Variants in PITPNC1 observed in about 807,000 individuals in gnomAD.
The protein encoded by PITPNC1 is cytoplasmic phosphatidylinositol transfer protein 1.
In PITPNC1, 18 loss-of-function variants were observed where a neutral mutation model predicts 44.7. The observed-to-expected ratio is 0.40, with a 90% CI of 0.28 to 0.60. The LOEUF is 0.60. PITPNC1 is among the 20% of genes least tolerant of loss of function. PITPNC1 has a pLI of 0.39. For missense variants in PITPNC1, 290 were observed against 418.4 expected, an observed-to-expected ratio of 0.69 and a Z score of 2.68; for synonymous variants, 141 against 149.6, an observed-to-expected ratio of 0.94 and a Z score of 0.42.
chr17:67,682,692 T>G (rs2144443490), intron 8 of PITPNC1, among the ~76,000 whole-genome samples: 1 of 152,318 alleles, frequency 6.6e-6, no homozygotes, highest in South Asian at 2.1e-4. Context: ...AGAAATACCG[T>G]ACCAGTTGCA....
intron 4 of PITPNC1, among the ~76,000 whole-genome samples, chr17:67,571,019 G>A: frequency 6.6e-6 from 1 of 152,168 alleles, no homozygotes; most frequent in Non-Finnish European, 1.5e-5. Flanking sequence ...CAGAGTCGGT[G>A]ATGCTTTACT....
intron 4 of PITPNC1, among the ~76,000 whole-genome samples, chr17:67,574,237 C>T (rs1476478899): frequency 6.6e-6 from 1 of 152,220 alleles, no homozygotes; most frequent in East Asian, 1.9e-4. Flanking sequence ...CAGGTTGATA[C>T]ATCTTGGATT....
chr17:67,443,232 G>C (rs1384224826), intron 1 of PITPNC1, among the ~76,000 whole-genome samples: 1 of 151,990 alleles, frequency 6.6e-6, no homozygotes, highest in Non-Finnish European at 1.5e-5. Context: ...ATGCTCTGCT[G>C]TCTGCCTGAA....
intron 6 of PITPNC1, among the ~76,000 whole-genome samples, chr17:67,656,575 C>T (rs1346264012): frequency 2.0e-5 from 3 of 152,102 alleles, no homozygotes; most frequent in Admixed American, 6.5e-5. Context: ...ATTTATTTAA[C>T]CCACAGCAGA....
chr17:67,392,759 G>A (rs2038156731), intron 1 of PITPNC1, among the ~76,000 whole-genome samples: 1 of 152,114 alleles, frequency 6.6e-6, no homozygotes, highest in Non-Finnish European at 1.5e-5. Flanking sequence ...TATTTGAAGA[G>A]GACTGCACTT....
In PITPNC1 at chr17:67,384,428, C is replaced by CTTT. The variant is rs60147017; in HGVS notation, c.48+6239_48+6241dup. On this transcript the variant is annotated intron_variant, in intron 1 of 8. Coordinates refer to ENST00000581322, the MANE Select transcript of PITPNC1 (RefSeq NM_012417.4). ...AATGCCCAACAGTGTTCCTTGTTCT[C>CTTT]TTTTTTTTTTTTTTTGAGACGGAGT... 9.0e-4 allele frequency among the ~76,000 whole-genome samples: 129 copies of CTTT among 142,750 alleles called. 2 individuals are homozygous for CTTT. The highest frequency in any genetic ancestry group is 5.8e-3 in the East Asian group (28 of 4,800). The allele number at this position is 142,750 out of a possible 152,430, so 93.6% of individuals were successfully genotyped here.
intron 5 of PITPNC1, among the ~76,000 whole-genome samples, chr17:67,623,216 G>T (rs1285338034): frequency 6.6e-6 from 1 of 151,212 alleles, no homozygotes; most frequent in Non-Finnish European, 1.5e-5. Flanking sequence ...ATGACTGGTA[G>T]ACTTTTCTCA....
At chr17:67,409,922 C>T (rs2038467223) in intron 1 of PITPNC1, among the ~76,000 whole-genome samples, 1 of 152,174 alleles carries the variant, frequency 6.6e-6, no homozygotes, top group Non-Finnish European at 1.5e-5. Context: ...TTGTTCCATA[C>T]AGATTGGGTT....
chr17:67,570,600 C>G (rs2041040739), intron 4 of PITPNC1, among the ~76,000 whole-genome samples: 1 of 152,088 alleles, frequency 6.6e-6, no homozygotes, highest in Admixed American at 6.6e-5. Flanking sequence ...GCTGCCTGGC[C>G]CTGGACATTC....
chr17:67,487,108 A>T (rs1012481719), intron 1 of PITPNC1, among the ~76,000 whole-genome samples: 3 of 152,214 alleles, frequency 2.0e-5, no homozygotes, highest in Non-Finnish European at 4.4e-5. Context: ...AAATATGAGT[A>T]CTAGTTTGAA....
intron 5 of PITPNC1, among the ~76,000 whole-genome samples, chr17:67,593,924 T>C (rs1195885437): frequency 1.3e-5 from 2 of 152,234 alleles, no homozygotes; most frequent in African/African-American, 2.4e-5. Context: ...ACAGCTTTGC[T>C]GTTTATTTAC....
chr17:67,545,268 C>T (rs2040662247), intron 2 of PITPNC1, among the ~76,000 whole-genome samples: 1 of 152,156 alleles, frequency 6.6e-6, no homozygotes, highest in Admixed American at 6.5e-5. Context: ...GCTATGATGG[C>T]ACCGCTGCAC....
intron 1 of PITPNC1, among the ~76,000 whole-genome samples, chr17:67,415,915 A>C (rs947870452): frequency 3.9e-5 from 6 of 152,188 alleles, no homozygotes; most frequent in Admixed American, 3.3e-4. Context: ...TTACCTAAAA[A>C]AAAAAAAATC....
chr17:67,483,001 C>T (rs563748652), intron 1 of PITPNC1, among the ~76,000 whole-genome samples: 14 of 115,816 alleles, frequency 1.2e-4, no homozygotes, highest in African/African-American at 4.4e-4. Flanking sequence ...TATATTATGC[C>T]GCTTGGTAGT....
intron 1 of PITPNC1, among the ~76,000 whole-genome samples, chr17:67,463,466 A>G (rs2039374733): frequency 6.6e-6 from 1 of 152,206 alleles, no homozygotes; most frequent in Non-Finnish European, 1.5e-5. Context: ...TGTTGTAATC[A>G]TTTTATACTT....
chr17:67,612,461 C>T (rs1437282226), intron 5 of PITPNC1: 1 of 152,270 alleles, frequency 6.6e-6, no homozygotes, highest in Non-Finnish European at 1.5e-5. Context: ...ACCTAACGTC[C>T]TCACTTCCAG....
intron 1 of PITPNC1, among the ~76,000 whole-genome samples, chr17:67,393,550 G>A (rs1276435193): frequency 2.6e-5 from 4 of 152,196 alleles, no homozygotes; most frequent in East Asian, 1.9e-4. Flanking sequence ...CAACATGGAC[G>A]CATATCTGTA....
At chr17:67,415,496 C>T (rs940066842) in intron 1 of PITPNC1, among the ~76,000 whole-genome samples, 3 of 152,210 alleles carry the variant, frequency 2.0e-5, no homozygotes, top group Non-Finnish European at 2.9e-5. Context: ...GACTGTTCAG[C>T]CTCATCCTCT....
chr17:67,675,557 C>G lies in PITPNC1; in HGVS notation c.682+15C>G. The G allele has an allele frequency of 6.4e-7, 1 of 1,553,416 alleles. No homozygotes were observed. Among genetic ancestry groups the G allele is most frequent in the Admixed American group, 1.7e-5 (1 of 59,912 alleles). On this transcript the variant is annotated intron_variant, in intron 8 of 8. Coordinates refer to ENST00000581322, the MANE Select transcript of PITPNC1 (RefSeq NM_012417.4). ...TGAGTGGTATGGTAAGTCAATTTCTCCAAAATAACTTGTAGAACAACTTCA... is the reference window on the plus strand; with the variant it reads ...TGAGTGGTATGGTAAGTCAATTTCTGCAAAATAACTTGTAGAACAACTTCA...
Sources: gnomAD v4.1 joint callset for allele counts (sites outside exome capture counted in the v4.1 genomes callset) on GRCh38, gnomAD v4.1.1 for gene constraint, MANE v1.5 for transcripts, NCBI Gene and HGNC (gene_info 2026-07-23, HGNC 2026-07-21) for gene names.